Variants in MAPK14 observed in about 807,000 individuals in gnomAD.
MAPK14 encodes CSAID-binding protein.
In MAPK14, 16 loss-of-function variants were observed where a neutral mutation model predicts 49.6. That is an observed-to-expected ratio of 0.32 (90% CI 0.22 to 0.49). MAPK14 has a LOEUF of 0.49. MAPK14 is among the 20% of genes least tolerant of loss of function. The pLI is 0.99. For missense variants in MAPK14, 200 were observed against 441.2 expected, an observed-to-expected ratio of 0.45 and a Z score of 4.90; for synonymous variants, 142 against 158.0, an observed-to-expected ratio of 0.90 and a Z score of 0.76.
Position 36,028,235 on chromosome 6 carries a change from C to T in MAPK14, c.78C>T (p.Asn26=), listed in dbSNP as rs200859008. 1.3e-5 allele frequency: 21 copies of T among 1,613,690 alleles called. No homozygotes were observed. Among genetic ancestry groups the T allele is most frequent in the African/African-American group, 6.7e-5 (5 of 74,922 alleles). Residue 26 remains asparagine, a synonymous_variant, in exon 1 of 12, where the codon AAC becomes AAT. Transcript: ENST00000229794. This position sits in a 1 kb window ranked among gnomAD's most constrained non-coding sequence, Gnocchi z 5.1. ...GGGAGGTGCCCGAGCGTTACCAGAA[C>T]CTGTCTCCAGTGGGCTCTGGCGCCT... The part of the protein sequence containing the change: ...TIWEVPERYQ[N]LSPVGSGAYG...
At position 36,071,032 on chromosome 6, in the gene MAPK14, T is replaced by G. The variant is rs981290640; in HGVS notation, c.306-1841T>G. On this transcript the variant is annotated intron_variant, in intron 3 of 11. Coordinates refer to ENST00000229794, the MANE Select transcript of MAPK14 (RefSeq NM_139012.3). ...ACAGTAAATAAAACTTACACTTATT[T>G]TTAAAAATTCAGCCTCTTAGCCAGG... Among the ~76,000 whole-genome samples the G allele has an allele frequency of 4.6e-5, 7 of 152,092 alleles. No individual in the cohort carries two copies. In the South Asian group the frequency reaches 8.3e-4, roughly 18 times the overall value.
chr6:36,115,416 G>T (rs1216306552), downstream of MAPK14, among the ~76,000 whole-genome samples: 1 of 152,186 alleles, frequency 6.6e-6, no homozygotes, highest in African/African-American at 2.4e-5. Flanking sequence ...GAAATTCATA[G>T]ATAATTCACA....
rs553616750 is a variant in MAPK14 at position 36,041,689 on chromosome 6, G to C, written c.117-11010G>C. ...ACAGTAGTTATAAAAATTACAATCA[G>C]GAATGAACCAATTTACCTGAAGTTT... On this transcript the variant is annotated intron_variant, in intron 1 of 11. Transcript: ENST00000229794. Among the ~76,000 whole-genome samples, 8 of 152,164 alleles carry C rather than the reference G, an allele frequency of 5.3e-5. No homozygotes were observed. The East Asian group carries it at 1.2e-3, about 22-fold the overall frequency.
rs1765960730 is a variant in MAPK14 at position 36,111,059 on chromosome 6, G to C, written c.*2612G>C. ...CCGAAATGACAGGGCTCAGCAGACT[G>C]TGGCCTGAGGGCCAAATCTGGCCCA... On this transcript the variant is annotated 3_prime_UTR_variant, in exon 12 of 12. Transcript: ENST00000229794. 6.6e-6 allele frequency: 1 copy of C among 152,206 alleles called. No homozygotes were observed. Among genetic ancestry groups the C allele is most frequent in the Non-Finnish European group, 1.5e-5 (1 of 68,036 alleles). The allele number at this position is 152,206 out of a possible 1,614,324, so 9.4% of individuals were successfully genotyped here. A position where few individuals can be genotyped will look rare whatever the true frequency, so the allele number is the denominator to read the frequency against.
chr6:36,033,460 G>T (rs1251310531), intron 1 of MAPK14, among the ~76,000 whole-genome samples: 1 of 152,096 alleles, frequency 6.6e-6, no homozygotes, highest in African/African-American at 2.4e-5. Context: ...GAGATTACAA[G>T]TGCGTGCCAC....
At chr6:36,038,502 G>C (rs1217007277) in intron 1 of MAPK14, among the ~76,000 whole-genome samples, 4 of 152,150 alleles carry the variant, frequency 2.6e-5, no homozygotes, top group Non-Finnish European at 5.9e-5. Flanking sequence ...TATGACCAGA[G>C]GAAGGACATG....
chr6:36,041,744 A>T (rs1387066196), intron 1 of MAPK14, among the ~76,000 whole-genome samples: 3 of 152,226 alleles, frequency 2.0e-5, no homozygotes, highest in African/African-American at 7.2e-5. Flanking sequence ...ATGCAACATA[A>T]TTTTGAAAGT....
chr6:36,052,915 G>A, intron 2 of MAPK14, 87 bp downstream of exon 2: 1 of 1,216,670 alleles, frequency 8.2e-7, no homozygotes, highest in Admixed American at 2.2e-5. Flanking sequence ...GAAATACGCT[G>A]GAGTGCATCA....
chr6:36,060,227 A>G (rs1289206480), intron 3 of MAPK14, among the ~76,000 whole-genome samples: 1 of 152,184 alleles, frequency 6.6e-6, no homozygotes, highest in African/African-American at 2.4e-5. Flanking sequence ...TCATTAATAC[A>G]CTGGCTCCTG....
chr6:36,029,657 G>A (rs1258353565), intron 1 of MAPK14, among the ~76,000 whole-genome samples: 1 of 152,122 alleles, frequency 6.6e-6, no homozygotes, highest in African/African-American at 2.4e-5. Context: ...TGAATTTCCT[G>A]TTTGGTAGAA....
intron 3 of MAPK14, among the ~76,000 whole-genome samples, chr6:36,067,125 C>G (rs1470722890): frequency 6.6e-6 from 1 of 152,048 alleles, no homozygotes; most frequent in African/African-American, 2.4e-5. Context: ...CATTTGAAAT[C>G]TAAATAAGTT....
In MAPK14 at chr6:36,039,520, T is replaced by C. The variant is rs115381451; in HGVS notation, c.116+11247T>C. Among the ~76,000 whole-genome samples, 596 of 152,236 alleles carry C rather than the reference T, an allele frequency of 3.9e-3. 4 individuals carry two copies. The highest frequency in any genetic ancestry group is 0.014 in the African/African-American group (562 of 41,532). Reference sequence around the variant, plus strand: ...GTCTTACTGTCATTCTACTCAAAAGTGTGTATTGATTGCATTTTCAAACTT... The same window carrying C: ...GTCTTACTGTCATTCTACTCAAAAGCGTGTATTGATTGCATTTTCAAACTT... On this transcript the variant is annotated intron_variant, in intron 1 of 11. Transcript: ENST00000229794.
intron 3 of MAPK14, among the ~76,000 whole-genome samples, chr6:36,065,401 C>CA (rs201692855): frequency 0.013 from 1,897 of 151,026 alleles, 48 homozygotes; most frequent in African/African-American, 0.043. Context: ...AAAGCCTCTG[C>CA]AAAAAAAATG....
intron 9 of MAPK14, 78 bp downstream of exon 9, chr6:36,096,144 G>T: frequency 1.0e-6 from 1 of 1,001,830 alleles, no homozygotes. Context: ...ACTTTGACCT[G>T]GGTGTGTTTG....
At chr6:36,074,143 T>C (rs761740080) in intron 6 of MAPK14, 47 bp downstream of exon 6, 4 of 1,466,958 alleles carry the variant, frequency 2.7e-6, no homozygotes, top group Non-Finnish European at 3.8e-6. Flanking sequence ...TTTGAGATTA[T>C]ATGTTTGACT....
Position 36,100,365 on chromosome 6 carries a change from C to T in MAPK14, c.763-2206C>T, listed in dbSNP as rs575637017. ...CAACAGTTCTTAACATCACTGGATGCTTGCATGTGCCTTGAGGCCTGCCTA... is the reference window on the plus strand; with the variant it reads ...CAACAGTTCTTAACATCACTGGATGTTTGCATGTGCCTTGAGGCCTGCCTA... On this transcript the variant is annotated intron_variant, in intron 9 of 11. Transcript: ENST00000229794. 5.5e-6 allele frequency: 5 copies of T among 902,890 alleles called. No individual in the cohort carries two copies. In the African/African-American group the frequency reaches 6.6e-5, roughly 12 times the overall value. The allele number at this position is 902,890 out of a possible 1,614,324, so 55.9% of individuals were successfully genotyped here.
Position 36,074,044 on chromosome 6 carries a change from C to T in MAPK14, c.448-5C>T. On this transcript the variant is annotated splice_polypyrimidine_tract_variant and splice_region_variant and intron_variant, in intron 5 of 11. Transcript: ENST00000229794. ...GATCCTGTCTTCCCTGTATTTGCTTCCTAGGACCTAAAACCTAGTAATCTA... is the reference window on the plus strand; with the variant it reads ...GATCCTGTCTTCCCTGTATTTGCTTTCTAGGACCTAAAACCTAGTAATCTA... The T allele has an allele frequency of 6.2e-7, 1 of 1,609,830 alleles. No homozygotes were observed. The highest frequency in any genetic ancestry group is 8.5e-7 in the Non-Finnish European group (1 of 1,176,310).
chr6:36,058,355 A>G (rs1384062149), intron 2 of MAPK14, among the ~76,000 whole-genome samples: 1 of 152,240 alleles, frequency 6.6e-6, no homozygotes, highest in Admixed American at 6.5e-5. Context: ...GGATTAATTC[A>G]TTAGACCATT....
intron 1 of MAPK14, among the ~76,000 whole-genome samples, chr6:36,029,626 G>T (rs1276088559): frequency 6.6e-6 from 1 of 152,220 alleles, no homozygotes; most frequent in Non-Finnish European, 1.5e-5. Flanking sequence ...TATGATTTCT[G>T]TGTTTCCCAA....
Sources: allele counts gnomAD v4.1 joint callset (sites outside exome capture counted in the v4.1 genomes callset), GRCh38; gene constraint gnomAD v4.1.1; non-coding constraint Gnocchi (gnomAD v3.1); transcripts MANE v1.5; gene names NCBI Gene and HGNC (gene_info 2026-07-23, HGNC 2026-07-21).